The following ATP8A2 variants were observed in gnomAD, a reference collection of about 807,000 sequenced individuals.
ATP8A2 encodes the protein phospholipid-transporting ATPase IB.
Under a neutral mutation model 165.6 loss-of-function variants are expected in ATP8A2, and 100 were observed. The ratio of observed to expected loss-of-function variants is 0.60; its 90% confidence interval spans 0.51 to 0.71. ATP8A2 has a LOEUF of 0.71. ATP8A2 is among the 30% of genes least tolerant of loss of function. ATP8A2 has a pLI of 0.00. For missense variants in ATP8A2, 1,227 were observed against 1,479.5 expected (o/e 0.83, Z 2.80); for synonymous variants, 543 against 548.8 (o/e 0.99, Z 0.15).
chr13:25,544,929 T>TA (rs2038599551), intron 10 of ATP8A2, among the ~76,000 whole-genome samples: 1 of 150,062 alleles, frequency 6.7e-6, no homozygotes, highest in Non-Finnish European at 1.5e-5. Context: ...TTTTTTTTTT[T>TA]AACATGGCAT....
intron 10 of ATP8A2, among the ~76,000 whole-genome samples, chr13:25,549,459 CAA>C (rs371766419): frequency 3.1e-4 from 19 of 61,376 alleles, no homozygotes; most frequent in East Asian, 5.2e-4. Context: ...GACTCTGTCT[CAA>C]AAAAAAAAAA....
intron 1 of ATP8A2, among the ~76,000 whole-genome samples, chr13:25,453,177 A>G (rs947142575): frequency 1.3e-5 from 2 of 151,202 alleles, no homozygotes; most frequent in Non-Finnish European, 2.9e-5. Context: ...CCCAGGCTGG[A>G]GTGCAATGGT....
rs189809961 is a variant in ATP8A2 at position 25,635,407 on chromosome 13, C to T, written c.2211+45708C>T. Among the ~76,000 whole-genome samples the T allele has an allele frequency of 3.7e-4, 57 of 152,160 alleles. 1 individual carries two copies. The East Asian group carries it at 5.4e-3, about 14-fold the overall frequency. Reference sequence around the variant, plus strand: ...ACTGCAGGCTGTGTAAATGAATGTCCCATGTGAAGAGGTAATTGTGGCTGA... The same window carrying T: ...ACTGCAGGCTGTGTAAATGAATGTCTCATGTGAAGAGGTAATTGTGGCTGA... On this transcript the variant is annotated intron_variant, in intron 24 of 36. Coordinates refer to ENST00000381655, the MANE Select transcript of ATP8A2 (RefSeq NM_016529.6).
chr13:25,747,838 T>C (rs932048454), intron 25 of ATP8A2, among the ~76,000 whole-genome samples: 1 of 152,208 alleles, frequency 6.6e-6, no homozygotes, highest in African/African-American at 2.4e-5. Flanking sequence ...CCAAGAAATG[T>C]TCTTCAGGGA....
chr13:25,439,305 G>A (rs532833705), intron 1 of ATP8A2, among the ~76,000 whole-genome samples: 11 of 152,242 alleles, frequency 7.2e-5, no homozygotes, highest in Middle Eastern at 3.4e-3. Flanking sequence ...AAATCTTCCC[G>A]GGAGGCAGGA....
intron 1 of ATP8A2, among the ~76,000 whole-genome samples, chr13:25,431,505 G>A (rs969520167): frequency 6.6e-6 from 1 of 151,984 alleles, no homozygotes; most frequent in Non-Finnish European, 1.5e-5. Flanking sequence ...TCGGCGGCGG[G>A]GGGGGAATCT....
chr13:25,642,438 C>T (rs2041552257), intron 24 of ATP8A2, among the ~76,000 whole-genome samples: 1 of 152,098 alleles, frequency 6.6e-6, no homozygotes, highest in Non-Finnish European at 1.5e-5. Context: ...TGGGCGAAGG[C>T]TATGAACAGA....
rs1033879660 is a variant in ATP8A2 at position 25,743,771 on chromosome 13, C to T, written c.2385-25275C>T. ...AAGTTGATCAGTTTCATCCACTTCA[C>T]CTGTTGCTGGGTTTTTCTTAACCTT... On this transcript the variant is annotated intron_variant, in intron 25 of 36. Coordinates refer to ENST00000381655, the MANE Select transcript of ATP8A2 (RefSeq NM_016529.6). 2.0e-4 allele frequency among the ~76,000 whole-genome samples: 30 copies of T among 152,194 alleles called. 1 individual carries two copies. The highest frequency in any genetic ancestry group is 7.2e-4 in the African/African-American group (30 of 41,454).
chr13:25,540,579 A>G (rs553902146), intron 8 of ATP8A2, among the ~76,000 whole-genome samples, 191 bp downstream of exon 8: 5 of 152,262 alleles, frequency 3.3e-5, no homozygotes, highest in Non-Finnish European at 7.4e-5. Context: ...GCTGCATCAA[A>G]CTCTAGGTCA....
chr13:25,480,406 G>T (rs1189325728), intron 2 of ATP8A2, among the ~76,000 whole-genome samples: 1 of 151,358 alleles, frequency 6.6e-6, no homozygotes. Context: ...AGACGGGGCG[G>T]TTGCCAGGCG....
intron 24 of ATP8A2, among the ~76,000 whole-genome samples, chr13:25,629,984 G>T (rs1487201669): frequency 1.3e-5 from 2 of 152,082 alleles, no homozygotes; most frequent in Non-Finnish European, 2.9e-5. Context: ...AGTACTGAAA[G>T]CTTTGTGTTG....
At chr13:25,862,213 G>C in intron 32 of ATP8A2, 88 bp from the exon 33 acceptor site, 1 of 852,562 alleles carries the variant, frequency 1.2e-6, no homozygotes, top group Middle Eastern at 3.3e-4. Flanking sequence ...AAGGTAGCTT[G>C]GATGCAAGGA....
At chr13:25,699,415 G>A in intron 25 of ATP8A2, 70 bp downstream of exon 25, 1 of 1,171,070 alleles carries the variant, frequency 8.5e-7, no homozygotes, top group East Asian at 2.7e-5. Flanking sequence ...ACAAAAGAAA[G>A]GGATGCATGG....
rs77458058 is a variant in ATP8A2, at chr13:25,539,414, G to GT, written c.582-893dup. ...AAGCGTGAGCCACAGTGCCCAGCCA[G>GT]TTTTTTTTTTTTAACTTGGTCTTAA... is the stretch of plus-strand genomic sequence containing the variant. On this transcript the variant is annotated intron_variant, in intron 7 of 36. Transcript: ENST00000381655. 5.4e-3 allele frequency among the ~76,000 whole-genome samples: 805 copies of GT among 148,036 alleles called. 7 individuals carry two copies. Among genetic ancestry groups the GT allele is most frequent in the African/African-American group, 0.016 (641 of 40,382 alleles).
At chr13:25,974,874 C>T (rs1392374442) in intron 35 of ATP8A2, among the ~76,000 whole-genome samples, 1 of 152,132 alleles carries the variant, frequency 6.6e-6, no homozygotes. Context: ...CCTCTTCACC[C>T]ACCATCCCAC....
rs763875462 is a variant in ATP8A2, at chr13:25,769,245, G to A, written c.2568+16G>A. The A allele has an allele frequency of 2.9e-5, 46 of 1,598,896 alleles. No homozygotes were observed. The highest frequency in any genetic ancestry group is 1.3e-4 in the African/African-American group (10 of 74,668). Reference sequence around the variant, plus strand: ...CATCGCACAGGTCAGCAGCTTGGGCGTCCAGCTGCCCTGTCCTGTTGAGAG... The same window carrying A: ...CATCGCACAGGTCAGCAGCTTGGGCATCCAGCTGCCCTGTCCTGTTGAGAG... On this transcript the variant is annotated intron_variant, in intron 26 of 36. Transcript: ENST00000381655.
chr13:25,424,736 T>C (rs2034395584), intron 1 of ATP8A2, among the ~76,000 whole-genome samples: 2 of 152,168 alleles, frequency 1.3e-5, no homozygotes, highest in African/African-American at 4.8e-5. Flanking sequence ...GGTGGGCAGA[T>C]CACCTGAGGT....
chr13:25,616,932 C>G (rs2040842397), intron 24 of ATP8A2, among the ~76,000 whole-genome samples: 1 of 152,044 alleles, frequency 6.6e-6, no homozygotes. Context: ...CAGCCAGGAT[C>G]TGGGCTAGAG....
rs367793160 is a variant in ATP8A2, at chr13:25,531,148, TTA to T, written c.420+496_420+497del. ...ATTTGTGTGTGTGTGTATATATATG[TTA>T]TATATATGATATATATGTTATATGA... is the stretch of plus-strand genomic sequence containing the variant. On this transcript the variant is annotated intron_variant, in intron 4 of 36. Transcript: ENST00000381655. Among the ~76,000 whole-genome samples, 251 of 134,324 alleles carry T rather than the reference TTA, an allele frequency of 1.9e-3. 2 individuals are homozygous for T. Among genetic ancestry groups the T allele is most frequent in the African/African-American group, 6.0e-3 (209 of 34,634 alleles). The allele number at this position is 134,324 out of a possible 152,430, so 88.1% of individuals were successfully genotyped here.
Sources: allele counts gnomAD v4.1 joint callset (sites outside exome capture counted in the v4.1 genomes callset), GRCh38; gene constraint gnomAD v4.1.1; transcripts MANE v1.5; gene names NCBI Gene and HGNC (gene_info 2026-07-23, HGNC 2026-07-21).